The following SCN10A variants were observed in gnomAD, a reference collection of about 807,000 sequenced individuals.
SCN10A encodes sodium channel protein type 10 subunit alpha.
In SCN10A, 162 loss-of-function variants were observed where a neutral mutation model predicts 170.7. The ratio of observed to expected loss-of-function variants is 0.95; its 90% confidence interval spans 0.84 to 1.08. SCN10A has a LOEUF of 1.08. SCN10A is among the 50% of genes least tolerant of loss of function. The probability of loss-of-function intolerance (pLI) is 0.00; values close to 1 mark genes in which losing one functional copy is unlikely to be tolerated. For synonymous variants in SCN10A, 985 were observed against 904.6 expected (o/e 1.09, Z -1.59); for missense variants, 2,527 against 2,436.9 (o/e 1.04, Z -0.78).
intron 17 of SCN10A, among the ~76,000 whole-genome samples, chr3:38,726,318 G>C (rs1045866247): frequency 2.0e-5 from 3 of 152,152 alleles, no homozygotes; most frequent in African/African-American, 7.2e-5. Flanking sequence ...CTCATGCACA[G>C]AGCCTGGGTT....
At position 38,723,428 on chromosome 3, in the gene SCN10A, A is replaced by C. The variant is rs143491160; in HGVS notation, c.3352+2T>G. On this transcript the variant is annotated splice_donor_variant, in intron 19 of 27. Transcript: ENST00000449082. LOFTEE classifies it high-confidence loss of function. ...TGAGGGGGCCTGTGGCTGTCCCTTC[A>C]CCTTCTGTGAAGCAGTCATCTGGTT... 6.2e-7 allele frequency: 1 copy of C among 1,614,068 alleles called. No homozygotes were observed. Among genetic ancestry groups the C allele is most frequent in the Non-Finnish European group, 8.5e-7 (1 of 1,179,970 alleles).
chr3:38,699,914 C>A, intron 27 of SCN10A, among the ~76,000 whole-genome samples: 1 of 152,082 alleles, frequency 6.6e-6, no homozygotes, highest in East Asian at 1.9e-4. Flanking sequence ...GCTTATTTTC[C>A]AGCTCTATAA....
intron 1 of SCN10A, among the ~76,000 whole-genome samples, chr3:38,809,760 C>T (rs144028759): frequency 3.0e-4 from 45 of 152,132 alleles, no homozygotes; most frequent in African/African-American, 1.0e-3. Flanking sequence ...TCCTTATTTT[C>T]GAGGCCTCTG....
intron 15 of SCN10A, among the ~76,000 whole-genome samples, chr3:38,738,766 T>G (rs1360379127): frequency 2.0e-5 from 3 of 152,174 alleles, no homozygotes; most frequent in African/African-American, 7.2e-5. Context: ...CCGACACTCC[T>G]GGGAATCTGA....
intron 10 of SCN10A, 24 bp downstream of exon 10, chr3:38,756,650 A>T (rs200237524): frequency 3.7e-6 from 6 of 1,600,106 alleles, no homozygotes; most frequent in Non-Finnish European, 5.1e-6. Flanking sequence ...AACCTTCTTC[A>T]CAAAGCTTCC....
chr3:38,773,608 A>C (rs183290427), intron 4 of SCN10A, among the ~76,000 whole-genome samples: 4 of 152,336 alleles, frequency 2.6e-5, no homozygotes, highest in East Asian at 3.9e-4. Context: ...CTGAGCAAAC[A>C]AAAAAATAAA....
intron 21 of SCN10A, among the ~76,000 whole-genome samples, chr3:38,718,073 G>A (rs78375070): frequency 0.019 from 2,904 of 152,298 alleles, 91 homozygotes; most frequent in African/African-American, 0.066. Context: ...TGGGGAGGAG[G>A]CAGCAGTATA....
chr3:38,800,925 G>A (rs2064367150), intron 1 of SCN10A, among the ~76,000 whole-genome samples: 4 of 152,262 alleles, frequency 2.6e-5, no homozygotes, highest in Admixed American at 2.0e-4. Context: ...AAGACTAAAT[G>A]TGATTGAACA....
rs763916801 is a variant in SCN10A, at chr3:38,756,800, C to G, written c.1164G>C (p.Leu388=). The G allele has an allele frequency of 6.2e-7, 1 of 1,614,136 alleles. No homozygotes were observed. The highest frequency in any genetic ancestry group is 1.1e-5 in the South Asian group (1 of 91,062). The change falls in exon 10 of 28, where the codon CTG becomes CTC. Residue 388 remains leucine (L), a synonymous_variant. Transcript: ENST00000449082. Reference sequence around the variant, plus strand: ...TGACTACAGCCAAGATCAAGTTGACCAGGTAGAAAGATCCCAGGAAGATTA... The same window carrying G: ...TGACTACAGCCAAGATCAAGTTGACGAGGTAGAAAGATCCCAGGAAGATTA... ...VLVIFLGSFY[L]VNLILAVVTM... is the part of the protein sequence containing the mutation.
intron 24 of SCN10A, 77 bp from the exon 25 acceptor site, chr3:38,709,692 C>T (rs1292466657): frequency 1.5e-6 from 2 of 1,340,924 alleles, no homozygotes; most frequent in Admixed American, 5.2e-5. Context: ...AAGCCTAAGA[C>T]ATGGACCTGG....
chr3:38,781,910 A>G (rs1473664624), intron 4 of SCN10A, among the ~76,000 whole-genome samples: 1 of 152,090 alleles, frequency 6.6e-6, no homozygotes, highest in African/African-American at 2.4e-5. Flanking sequence ...ATAGATTACT[A>G]AAGAGTTTGT....
intron 14 of SCN10A, among the ~76,000 whole-genome samples, chr3:38,741,559 T>C (rs1020117850): frequency 4.6e-5 from 7 of 152,202 alleles, no homozygotes; most frequent in African/African-American, 1.7e-4. Context: ...CTGAGTATTA[T>C]TACTATTCCT....
At chr3:38,811,234 C>T (rs1159263462) in intron 1 of SCN10A, among the ~76,000 whole-genome samples, 2 of 152,154 alleles carry the variant, frequency 1.3e-5, no homozygotes, top group Non-Finnish European at 2.9e-5. Context: ...AGCTGGCTCA[C>T]TTGAGGTCAG....
chr3:38,753,811 G>T (rs1038101284), intron 11 of SCN10A, among the ~76,000 whole-genome samples: 1 of 152,190 alleles, frequency 6.6e-6, no homozygotes. Flanking sequence ...TAGAATTAAG[G>T]TTTTGACAAA....
intron 25 of SCN10A, 44 bp from the exon 26 acceptor site, chr3:38,707,427 TAC>T: frequency 6.3e-7 from 1 of 1,594,648 alleles, no homozygotes; most frequent in South Asian, 1.1e-5. Context: ...AGGAACCCCC[TAC>T]GGATACCAAA....
At position 38,718,668 on chromosome 3, in the gene SCN10A, G is replaced by T. The variant is rs774519441; in HGVS notation, c.3666C>A (p.Asp1222Glu). The T allele has an allele frequency of 1.2e-6, 2 of 1,614,226 alleles. No homozygotes were observed. Among genetic ancestry groups the T allele is most frequent in the Admixed American group, 1.7e-5 (1 of 60,024 alleles). Residue 1222 changes from aspartate to glutamate, a missense_variant, in exon 21 of 28, where the codon GAC (aspartate) becomes GAA (glutamate). Coordinates refer to ENST00000449082, the MANE Select transcript of SCN10A (RefSeq NM_006514.4). ...KYFTNAWCWL[D>E]FLIVNISLIS... ...AGCCACTCACATTCACAATGAGGAAGTCCAGCCAGCACCAGGCATTGGTGA... is the reference window on the plus strand; with the variant it reads ...AGCCACTCACATTCACAATGAGGAATTCCAGCCAGCACCAGGCATTGGTGA...
intron 6 of SCN10A, among the ~76,000 whole-genome samples, chr3:38,761,862 GAGAA>G (rs1429943798): frequency 3.0e-4 from 44 of 146,688 alleles, no homozygotes; most frequent in Admixed American, 1.9e-3. Flanking sequence ...GAGAGAGAGA[GAGAA>G]AGAGAGAGAG....
chr3:38,761,815 A>AGT (rs10637333), intron 6 of SCN10A, among the ~76,000 whole-genome samples: 1,637 of 141,906 alleles, frequency 0.012, 10 homozygotes, highest in East Asian at 0.044. Context: ...ACTGTGTGTG[A>AGT]GTGTGTGTGT....
chr3:38,719,854 G>A (rs1242769234), intron 20 of SCN10A, among the ~76,000 whole-genome samples: 6 of 152,200 alleles, frequency 3.9e-5, no homozygotes, highest in African/African-American at 1.2e-4. Flanking sequence ...CTCTTTAAGG[G>A]GCCAGTGCCC....
Sources: gnomAD v4.1 joint callset for allele counts (sites outside exome capture counted in the v4.1 genomes callset) on GRCh38, gnomAD v4.1.1 for gene constraint, MANE v1.5 for transcripts, NCBI Gene and HGNC (gene_info 2026-07-23, HGNC 2026-07-21) for gene names.